Variants in FRK observed in about 807,000 individuals in gnomAD.
FRK encodes the protein tyrosine-protein kinase FRK.
Under a neutral mutation model 56.4 loss-of-function variants are expected in FRK, and 51 were observed. That is an observed-to-expected ratio of 0.90 (90% CI 0.72 to 1.14). The LOEUF is 1.14. Among genes scored for constraint, FRK ranks in the 50% most tolerant of loss-of-function variants. The pLI is 0.00. For synonymous variants in FRK, 245 were observed against 217.9 expected (o/e 1.12, Z -1.10); for missense variants, 570 against 601.4 (o/e 0.95, Z 0.55).
At chr6:115,997,466 T>G (rs937456179) in intron 2 of FRK, among the ~76,000 whole-genome samples, 10 of 151,962 alleles carry the variant, frequency 6.6e-5, no homozygotes, top group African/African-American at 2.4e-4. Context: ...GAATGGCTAT[T>G]TGTATGTTCA....
At chr6:115,997,839 C>T (rs1213602504) in intron 2 of FRK, among the ~76,000 whole-genome samples, 1 of 152,218 alleles carries the variant, frequency 6.6e-6, no homozygotes, top group African/African-American at 2.4e-5. Context: ...GCCTGTCCCA[C>T]TGTCACCCCA....
chr6:116,077,349 C>T, the FRK span, among the ~76,000 whole-genome samples: 1 of 152,150 alleles, frequency 6.6e-6, no homozygotes, highest in African/African-American at 2.4e-5. Context: ...TGAAAATGCA[C>T]CCTAAGACAC....
chr6:115,968,519 T>C, intron 3 of FRK, 57 bp downstream of exon 3: 1 of 1,570,034 alleles, frequency 6.4e-7, no homozygotes, highest in Non-Finnish European at 8.7e-7. Flanking sequence ...AATACTCAGA[T>C]ATCTGAAGGA....
the FRK span, among the ~76,000 whole-genome samples, chr6:116,073,119 TAAG>T: frequency 6.6e-6 from 1 of 152,178 alleles, no homozygotes; most frequent in Non-Finnish European, 1.5e-5. Context: ...AGAATTTTGG[TAAG>T]AAGAAGAAAG....
At chr6:116,093,821 C>A in the FRK span, among the ~76,000 whole-genome samples, 1 of 152,214 alleles carries the variant, frequency 6.6e-6, no homozygotes, top group Non-Finnish European at 1.5e-5. Flanking sequence ...TCACCTGACT[C>A]ACTTGAGGTT....
intron 1 of FRK, among the ~76,000 whole-genome samples, chr6:116,021,249 A>AC (rs1775864126): frequency 2.6e-5 from 4 of 152,022 alleles, no homozygotes; most frequent in Non-Finnish European, 5.9e-5. Flanking sequence ...ACAAACGTAG[A>AC]CCAGTATAAA....
At chr6:116,069,348 T>A in the FRK span, among the ~76,000 whole-genome samples, 1 of 152,210 alleles carries the variant, frequency 6.6e-6, no homozygotes, top group Non-Finnish European at 1.5e-5. Flanking sequence ...TTACTGTTCA[T>A]CTTCAAGTTT....
intron 2 of FRK, among the ~76,000 whole-genome samples, chr6:115,981,683 G>C (rs7762044): frequency 0.26 from 39,508 of 151,866 alleles, 6,276 homozygotes; most frequent in East Asian, 0.63. Context: ...AAACATGAAA[G>C]TCATACAGAA....
rs1412719618 is a variant in FRK at position 115,942,027 on chromosome 6, TAATG to T, written c.*383_*386del. 5.6e-6 allele frequency: 1 copy of T among 178,462 alleles called. No homozygotes were observed. The highest frequency in any genetic ancestry group is 1.2e-5 in the Non-Finnish European group (1 of 83,848). 11.1% of individuals were successfully genotyped at this position (178,462 alleles called of 1,614,324 possible). ...TGATGGGATTCAGCAATCTGAGGAA[TAATG>T]AATAACCACTCTAATCAGTAAACAG... On this transcript the variant is annotated 3_prime_UTR_variant, in exon 8 of 8. Coordinates refer to ENST00000606080, the MANE Select transcript of FRK (RefSeq NM_002031.3).
chr6:116,012,820 G>C (rs890713620), intron 1 of FRK, among the ~76,000 whole-genome samples: 1 of 152,170 alleles, frequency 6.6e-6, no homozygotes, highest in African/African-American at 2.4e-5. Flanking sequence ...TTGCAACACA[G>C]TTTCTAATGT....
At chr6:115,957,597 G>C (rs1410859405) in intron 4 of FRK, among the ~76,000 whole-genome samples, 1 of 152,194 alleles carries the variant, frequency 6.6e-6, no homozygotes, top group South Asian at 2.1e-4. Flanking sequence ...TTTAAACCCA[G>C]ACATGGATAA....
At chr6:116,046,952 T>G (rs1017229739) in intron 1 of FRK, among the ~76,000 whole-genome samples, 1 of 151,876 alleles carries the variant, frequency 6.6e-6, no homozygotes, top group East Asian at 1.9e-4. Flanking sequence ...CAAGTTGTGG[T>G]CCTGATGCCC....
Position 115,944,342 on chromosome 6 carries a change from G to A in FRK, c.1042C>T (p.Arg348Trp), listed in dbSNP as rs141736614. 4.4e-5 allele frequency: 71 copies of A among 1,612,904 alleles called. No homozygotes were observed. In the Admixed American group the frequency reaches 5.0e-4, roughly 11 times the overall value. Residue 348 changes from arginine to tryptophan, a missense_variant, in exon 6 of 8, where the codon CGG becomes TGG. Transcript: ENST00000606080. ...GCCAGATCTCTGTGAATGTAGTTCC[G>A]AGACTCCAGATAGGCCATTCCAGAG... ...VASGMAYLES[R>W]NYIHRDLAAR... is the part of the protein sequence containing the mutation.
At chr6:116,061,792 T>C (rs978524933), upstream of FRK, among the ~76,000 whole-genome samples, 1 of 152,196 alleles carries the variant, frequency 6.6e-6, no homozygotes, top group African/African-American at 2.4e-5. Flanking sequence ...GACTTTTTTT[T>C]TATTTCTTTC....
intron 1 of FRK, among the ~76,000 whole-genome samples, chr6:116,011,646 T>C (rs183937473): frequency 1.3e-5 from 2 of 152,278 alleles, no homozygotes; most frequent in Admixed American, 1.3e-4. Context: ...AAAACACCTA[T>C]TGTCCTCATG....
intron 5 of FRK, among the ~76,000 whole-genome samples, chr6:115,945,254 T>G (rs1237967259): frequency 2.0e-5 from 3 of 152,188 alleles, no homozygotes; most frequent in African/African-American, 7.2e-5. Context: ...GGTCAAATGG[T>G]AGGTCTGTTT....
At chr6:116,097,435 T>C in the FRK span, among the ~76,000 whole-genome samples, 1 of 152,132 alleles carries the variant, frequency 6.6e-6, no homozygotes, top group Non-Finnish European at 1.5e-5. Context: ...TTTAAACTAA[T>C]GAAAAAAGAA....
chr6:116,063,883 G>A (rs1777703914), upstream of FRK, among the ~76,000 whole-genome samples: 2 of 152,110 alleles, frequency 1.3e-5, no homozygotes, highest in African/African-American at 4.8e-5. Context: ...GAAAGGCTAG[G>A]TAATTTGTCC....
intron 1 of FRK, among the ~76,000 whole-genome samples, chr6:116,044,757 TAA>T (rs964808049): frequency 7.0e-4 from 107 of 152,232 alleles, no homozygotes; most frequent in African/African-American, 2.5e-3. Flanking sequence ...GAGAAAGAAA[TAA>T]AGAGTATTCA....
Sources: gnomAD v4.1 joint callset for allele counts (sites outside exome capture counted in the v4.1 genomes callset) on GRCh38, gnomAD v4.1.1 for gene constraint, MANE v1.5 for transcripts, NCBI Gene and HGNC (gene_info 2026-07-23, HGNC 2026-07-21) for gene names.